Variants in MYO5B observed in about 807,000 individuals in gnomAD.
The protein encoded by MYO5B is myosin VB, also known as unconventional myosin-Vb.
MYO5B carries 143 observed loss-of-function variants against 229.3 expected under a neutral mutation model. The ratio of observed to expected loss-of-function variants is 0.62; its 90% CI spans 0.54 to 0.72. The LOEUF is 0.72. Ranked by LOEUF, MYO5B falls within the 30% of genes least tolerant of loss-of-function variation. The pLI, the probability that MYO5B is intolerant of heterozygous loss-of-function variation, is 0.00. For synonymous variants in MYO5B, 918 were observed against 885.2 expected (o/e 1.04, Z -0.66); for missense variants, 2,321 against 2,331.0 (o/e 1.00, Z 0.09).
At chr18:49,999,129 G>C (rs536353171) in intron 5 of MYO5B, among the ~76,000 whole-genome samples, 13 of 152,280 alleles carry the variant, frequency 8.5e-5, no homozygotes, top group East Asian at 7.7e-4. Flanking sequence ...TCAGTCTCTG[G>C]AGCTCAAAGA....
chr18:50,134,554 CAATAAATAAATAAATAAATA>C lies in MYO5B; in HGVS notation c.27+60193_27+60212del, dbSNP rs57536679. Among the ~76,000 whole-genome samples the C allele has an allele frequency of 6.5e-3, 926 of 141,500 alleles. 7 individuals carry two copies. Among genetic ancestry groups the C allele is most frequent in the African/African-American group, 0.023 (853 of 37,810 alleles). 92.8% of individuals were successfully genotyped at this position (141,500 alleles called of 152,430 possible). A position where few individuals can be genotyped will look rare whatever the true frequency, so the allele number is the denominator to read the frequency against. ...TGGGCGATAGAGTGAGACTCCATCT[CAATAAATAAATAAATAAATA>C]AATAAATAAATAAATAAATAAATAA... On this transcript the variant is annotated intron_variant, in intron 1 of 39. Coordinates refer to ENST00000285039, the MANE Select transcript of MYO5B (RefSeq NM_001080467.3).
At chr18:49,856,060 T>C (rs946719538) in intron 30 of MYO5B, among the ~76,000 whole-genome samples, 1 of 152,228 alleles carries the variant, frequency 6.6e-6, no homozygotes, top group African/African-American at 2.4e-5. Flanking sequence ...GCCTATGGTG[T>C]GACCATCACA....
chr18:49,963,558 C>T (rs2025587657), intron 10 of MYO5B, among the ~76,000 whole-genome samples: 1 of 152,004 alleles, frequency 6.6e-6, no homozygotes, highest in Non-Finnish European at 1.5e-5. Flanking sequence ...TCCCGAGTAG[C>T]TGGGACTGCA....
intron 1 of MYO5B, among the ~76,000 whole-genome samples, chr18:50,071,008 G>A (rs1428018435): frequency 6.6e-6 from 1 of 152,184 alleles, no homozygotes; most frequent in Non-Finnish European, 1.5e-5. Context: ...ATTGTTTGTA[G>A]AGATGAAGTC....
rs143730208 is a variant in MYO5B, at chr18:49,866,612, A to T, written c.3604-2232T>A. 4.6e-5 allele frequency among the ~76,000 whole-genome samples: 7 copies of T among 152,334 alleles called. No individual in the cohort carries two copies. In the East Asian group the frequency reaches 7.7e-4, roughly 17 times the overall value. On this transcript the variant is annotated intron_variant, in intron 27 of 39. Coordinates refer to ENST00000285039, the MANE Select transcript of MYO5B (RefSeq NM_001080467.3). ...AAACAGACGAATTTGTGTGAAAGAC[A>T]TATTTTTGTGCACCCAAATGCTATG...
intron 33 of MYO5B, among the ~76,000 whole-genome samples, chr18:49,845,945 G>A (rs58349995): frequency 0.087 from 13,183 of 152,202 alleles, 700 homozygotes; most frequent in African/African-American, 0.15. Flanking sequence ...GAGGGGTGGC[G>A]GGGGCTCCTC....
chr18:49,994,464 G>A (rs546471246), intron 5 of MYO5B, among the ~76,000 whole-genome samples: 2 of 152,334 alleles, frequency 1.3e-5, no homozygotes, highest in East Asian at 3.9e-4. Flanking sequence ...GGTTTAAAGT[G>A]TATAAAGCAA....
intron 14 of MYO5B, among the ~76,000 whole-genome samples, chr18:49,948,306 T>C (rs564965517): frequency 6.6e-6 from 1 of 152,322 alleles, no homozygotes; most frequent in Non-Finnish European, 1.5e-5. Context: ...TCTTTTTACA[T>C]GACTAATGGT....
At chr18:50,098,368 A>G (rs112213502) in intron 1 of MYO5B, among the ~76,000 whole-genome samples, 1,560 of 152,310 alleles carry the variant, frequency 0.01, 29 homozygotes, top group African/African-American at 0.035. Flanking sequence ...CTTAGTTGCC[A>G]TGTTCTATGG....
intron 4 of MYO5B, among the ~76,000 whole-genome samples, chr18:50,029,052 A>G (rs561381826): frequency 4.7e-4 from 71 of 152,232 alleles, no homozygotes; most frequent in Non-Finnish European, 8.8e-4. Context: ...TAAAATAGGA[A>G]TGTCATCATT....
At chr18:50,025,222 C>T (rs1020068469) in intron 4 of MYO5B, among the ~76,000 whole-genome samples, 1 of 152,230 alleles carries the variant, frequency 6.6e-6, no homozygotes, top group East Asian at 1.9e-4. Context: ...TGATTGACAT[C>T]ATCCATTCCC....
At chr18:49,915,992 C>T (rs565717670) in intron 17 of MYO5B, among the ~76,000 whole-genome samples, 2 of 152,312 alleles carry the variant, frequency 1.3e-5, no homozygotes, top group East Asian at 3.9e-4. Flanking sequence ...TCCCTGTGCT[C>T]ACCATCCATC....
chr18:50,035,235 TGAA>T (rs1350558288), intron 4 of MYO5B, among the ~76,000 whole-genome samples: 1 of 152,196 alleles, frequency 6.6e-6, no homozygotes, highest in Non-Finnish European at 1.5e-5. Flanking sequence ...GCAGCTTTGA[TGAA>T]GAATGGAAAC....
intron 17 of MYO5B, among the ~76,000 whole-genome samples, chr18:49,921,652 G>A (rs966526000): frequency 6.6e-6 from 1 of 152,204 alleles, no homozygotes; most frequent in African/African-American, 2.4e-5. Flanking sequence ...AGCTACTGCT[G>A]TCCTGCAATG....
At chr18:49,979,299 C>T (rs1353310460) in intron 9 of MYO5B, among the ~76,000 whole-genome samples, 3 of 152,226 alleles carry the variant, frequency 2.0e-5, no homozygotes, top group Non-Finnish European at 2.9e-5. Flanking sequence ...TCCTCCTTTT[C>T]CACTGGGCCC....
chr18:49,860,378 A>G (rs1363618848), intron 29 of MYO5B, among the ~76,000 whole-genome samples: 1 of 152,130 alleles, frequency 6.6e-6, no homozygotes, highest in African/African-American at 2.4e-5. Context: ...CACCCAGCTC[A>G]TGTTCACAGC....
chr18:49,892,436 G>C (rs2144126679), intron 22 of MYO5B, among the ~76,000 whole-genome samples: 1 of 152,298 alleles, frequency 6.6e-6, no homozygotes, highest in African/African-American at 2.4e-5. Flanking sequence ...CAAGCCCAGA[G>C]TTTTCCAGCA....
At chr18:49,929,747 T>C in intron 16 of MYO5B, 149 bp from the exon 17 acceptor site, 1 of 741,772 alleles carries the variant, frequency 1.3e-6, no homozygotes, top group Non-Finnish European at 2.3e-6. Context: ...TGAGCTCAAG[T>C]CAGGGATTAG....
chr18:50,012,221 T>C (rs904189949), intron 4 of MYO5B, among the ~76,000 whole-genome samples: 1 of 152,222 alleles, frequency 6.6e-6, no homozygotes, highest in Non-Finnish European at 1.5e-5. Context: ...TAAGAAGCAC[T>C]GCTACAGACT....
Sources: gnomAD v4.1 joint callset for allele counts (sites outside exome capture counted in the v4.1 genomes callset) on GRCh38, gnomAD v4.1.1 for gene constraint, MANE v1.5 for transcripts, NCBI Gene and HGNC (gene_info 2026-07-23, HGNC 2026-07-21) for gene names.